COL27A1: variants seen among roughly 807,000 people sequenced by gnomAD.
The protein encoded by COL27A1 is collagen type XXVII alpha 1 chain.
In COL27A1, 106 loss-of-function variants were observed where a neutral mutation model predicts 251.3. That is an observed-to-expected ratio of 0.42 (90% CI 0.36 to 0.50). COL27A1 has a LOEUF of 0.50. Among genes scored for constraint, COL27A1 ranks in the 20% least tolerant of loss-of-function variants. The pLI, the probability that COL27A1 is intolerant of heterozygous loss-of-function variation, is 0.00. For synonymous variants in COL27A1, 1,000 were observed against 986.3 expected, an observed-to-expected ratio of 1.01 and a Z score of -0.26; for missense variants, 2,325 against 2,522.8, an observed-to-expected ratio of 0.92 and a Z score of 1.68.
chr9:114,308,662 C>CA (rs1438366368), intron 59 of COL27A1, among the ~76,000 whole-genome samples: 2 of 152,218 alleles, frequency 1.3e-5, no homozygotes, highest in African/African-American at 4.8e-5. Flanking sequence ...ACCTGCCTAG[C>CA]AGAGGGGTGA....
intron 14 of COL27A1, among the ~76,000 whole-genome samples, chr9:114,224,853 C>T (rs1258495640): frequency 6.6e-6 from 1 of 151,846 alleles, no homozygotes; most frequent in Non-Finnish European, 1.5e-5. Flanking sequence ...GACAGGATTT[C>T]GCCACATTGC....
chr9:114,288,549 A>G, intron 42 of COL27A1, 38 bp downstream of exon 42: 1 of 1,579,974 alleles, frequency 6.3e-7, no homozygotes, highest in South Asian at 1.2e-5. Context: ...GTGGCGTCCT[A>G]GGTGGAATCT....
At chr9:114,195,900 G>A (rs1256278557) in intron 6 of COL27A1, 59 bp from the exon 7 acceptor site, 9 of 1,232,728 alleles carry the variant, frequency 7.3e-6, no homozygotes, top group Non-Finnish European at 1.1e-5. Context: ...TTTGTAGAGT[G>A]TAGCAGAGTG....
chr9:114,213,255 G>A (rs1830483530), intron 12 of COL27A1, among the ~76,000 whole-genome samples: 1 of 152,132 alleles, frequency 6.6e-6, no homozygotes, highest in South Asian at 2.1e-4. Flanking sequence ...AGCAAGGAAT[G>A]TCAGCAGGGC....
At chr9:114,305,609 G>A (rs1230552898) in intron 57 of COL27A1, among the ~76,000 whole-genome samples, 6 of 152,316 alleles carry the variant, frequency 3.9e-5, no homozygotes, top group Middle Eastern at 3.4e-3. Flanking sequence ...CCTGCCAGGG[G>A]CTCTGCCCTC....
At chr9:114,166,423 T>TCATC (rs1848882710) in intron 2 of COL27A1, among the ~76,000 whole-genome samples, 2 of 61,762 alleles carry the variant, frequency 3.2e-5, no homozygotes, top group Admixed American at 1.5e-4. Flanking sequence ...ATTTATCCAT[T>TCATC]CATCCATCCA....
chr9:114,242,154 C>G (rs768122425), intron 21 of COL27A1, 33 bp from the exon 22 acceptor site: 40 of 1,574,580 alleles, frequency 2.5e-5, no homozygotes, highest in Non-Finnish European at 3.4e-5. Context: ...TTAACTTTCT[C>G]CTTTTTTCCT....
chr9:114,161,849 C>T (rs1848515101), intron 1 of COL27A1, among the ~76,000 whole-genome samples: 1 of 152,272 alleles, frequency 6.6e-6, no homozygotes. Context: ...TTAACCCTTC[C>T]TGGCCCTAGA....
intron 21 of COL27A1, 21 bp downstream of exon 21, chr9:114,240,508 C>A (rs1395698754): frequency 6.2e-7 from 1 of 1,603,416 alleles, no homozygotes; most frequent in Admixed American, 1.7e-5. Flanking sequence ...CTGGCCCCCT[C>A]CACTGCCCAT....
chr9:114,233,867 C>T (rs777341972), intron 16 of COL27A1, among the ~76,000 whole-genome samples: 8 of 152,108 alleles, frequency 5.3e-5, no homozygotes, highest in Non-Finnish European at 8.8e-5. Flanking sequence ...GAGAAAGAAA[C>T]CCCTTTTCCT....
rs1210915728 is a variant in COL27A1, at chr9:114,311,524, G to A, written c.*829G>A. Reference sequence around the variant, plus strand: ...TTGTGCTCATCAGGTAATCTGCTAAGGAGGAAAAAAGAAAAGAAAAAAGGA... The same window carrying A: ...TTGTGCTCATCAGGTAATCTGCTAAAGAGGAAAAAAGAAAAGAAAAAAGGA... On this transcript the variant is annotated 3_prime_UTR_variant, in exon 61 of 61. Coordinates refer to ENST00000356083, the MANE Select transcript of COL27A1 (RefSeq NM_032888.4). 2.2e-5 allele frequency: 3 copies of A among 138,568 alleles called. No individual in the cohort carries two copies. The highest frequency in any genetic ancestry group is 1.5e-5 in the Non-Finnish European group (1 of 65,640). The allele number at this position is 138,568 out of a possible 1,614,324, so 8.6% of individuals were successfully genotyped here.
At chr9:114,261,209 T>G (rs897740991) in intron 28 of COL27A1, among the ~76,000 whole-genome samples, 4 of 152,146 alleles carry the variant, frequency 2.6e-5, no homozygotes, top group African/African-American at 9.7e-5. Context: ...GTTGGCCAGA[T>G]TTTCTGTCCC....
At chr9:114,237,519 G>A in intron 18 of COL27A1, 143 bp from the exon 19 acceptor site, 1 of 706,582 alleles carries the variant, frequency 1.4e-6, no homozygotes, top group South Asian at 1.7e-5. Flanking sequence ...AGTTTGAATG[G>A]TAGCTCCTTC....
intron 58 of COL27A1, chr9:114,306,957 T>G: frequency 2.4e-6 from 1 of 411,924 alleles, no homozygotes. Flanking sequence ...GCCCATCCTG[T>G]CACAGGCTCC....
chr9:114,177,527 G>A (rs2060131), intron 3 of COL27A1, among the ~76,000 whole-genome samples: 49,730 of 151,732 alleles, frequency 0.33, 8,597 homozygotes, highest in African/African-American at 0.44. Context: ...CCATGCTGTG[G>A]CCATGGGAAC....
chr9:114,215,469 C>T (rs1425307606), intron 12 of COL27A1, among the ~76,000 whole-genome samples: 1 of 152,174 alleles, frequency 6.6e-6, no homozygotes, highest in Non-Finnish European at 1.5e-5. Context: ...CTCTGCCTTC[C>T]TATTTTCTCC....
rs765220708 is a variant in COL27A1, at chr9:114,209,399, G to C, written c.2269-276G>C. ...TCTGCAGGTCCTGGAGCCCTGGCGT[G>C]GGGCGGGCCTCCTGCCGGCGAGCGC... On this transcript the variant is annotated intron_variant, in intron 10 of 60. Coordinates refer to ENST00000356083, the MANE Select transcript of COL27A1 (RefSeq NM_032888.4). The C allele has an allele frequency of 1.2e-5, 9 of 725,146 alleles. No homozygotes were observed. The East Asian group carries it at 2.4e-4, about 20-fold the overall frequency. The allele number at this position is 725,146 out of a possible 1,614,324, so 44.9% of individuals were successfully genotyped here.
At chr9:114,165,485 T>C (rs2135048408) in intron 2 of COL27A1, among the ~76,000 whole-genome samples, 1 of 151,154 alleles carries the variant, frequency 6.6e-6, no homozygotes, top group African/African-American at 2.4e-5. Context: ...TACCAATTCA[T>C]CTACCTATCC....
At chr9:114,257,108 G>T (rs1427694252) in intron 27 of COL27A1, among the ~76,000 whole-genome samples, 1 of 152,188 alleles carries the variant, frequency 6.6e-6, no homozygotes, top group Non-Finnish European at 1.5e-5. Flanking sequence ...GGGTGATAGC[G>T]GCTGGGTTCA....
Sources: gnomAD v4.1 joint callset for allele counts (sites outside exome capture counted in the v4.1 genomes callset) on GRCh38, gnomAD v4.1.1 for gene constraint, MANE v1.5 for transcripts, NCBI Gene and HGNC (gene_info 2026-07-23, HGNC 2026-07-21) for gene names.